KHDRBS2: variants seen among roughly 807,000 people sequenced by gnomAD.
The protein encoded by KHDRBS2 is KH RNA binding domain containing, signal transduction associated 2.
In KHDRBS2, 26 loss-of-function variants were observed where a neutral mutation model predicts 44.3. That is an observed-to-expected ratio of 0.59 (90% confidence interval 0.43 to 0.81). The LOEUF is 0.81. Among genes scored for constraint, KHDRBS2 ranks in the 40% least tolerant of loss-of-function variants. KHDRBS2 has a pLI of 0.00. For synonymous variants in KHDRBS2, 194 were observed against 151.1 expected (o/e 1.28, Z -2.08); for missense variants, 476 against 433.1 (o/e 1.10, Z -0.88).
intron 6 of KHDRBS2, among the ~76,000 whole-genome samples, chr6:61,735,188 T>C (rs1200906067): frequency 6.6e-6 from 1 of 152,126 alleles, no homozygotes; most frequent in Non-Finnish European, 1.5e-5. Context: ...GAACAAGATG[T>C]TAATGGAAAC....
the KHDRBS2 span, among the ~76,000 whole-genome samples, chr6:61,598,632 G>A: frequency 6.6e-6 from 1 of 152,220 alleles, no homozygotes; most frequent in South Asian, 2.1e-4. Context: ...TACATCCAAA[G>A]CAAGTAATTC....
the KHDRBS2 span, among the ~76,000 whole-genome samples, chr6:61,615,448 AT>A: frequency 2.3e-3 from 354 of 152,164 alleles, no homozygotes; most frequent in Non-Finnish European, 2.8e-3. Context: ...ATAGTTCAAA[AT>A]TTAACAATAC....
intron 5 of KHDRBS2, 140 bp downstream of exon 5, chr6:61,901,104 T>G: frequency 1.3e-6 from 1 of 778,842 alleles, no homozygotes; most frequent in Non-Finnish European, 2.0e-6. Flanking sequence ...CCTGATAAGC[T>G]TTCATCGTTA....
chr6:61,772,647 T>C (rs1405794544), intron 6 of KHDRBS2, among the ~76,000 whole-genome samples: 1 of 152,138 alleles, frequency 6.6e-6, no homozygotes, highest in East Asian at 1.9e-4. Flanking sequence ...TATTTTATTT[T>C]ATTTTATTAT....
intron 3 of KHDRBS2, among the ~76,000 whole-genome samples, chr6:62,000,843 G>T (rs539107664): frequency 6.6e-6 from 1 of 152,176 alleles, no homozygotes; most frequent in Non-Finnish European, 1.5e-5. Context: ...AATTGGAAAA[G>T]TATGGTCCTT....
At chr6:62,003,960 A>G (rs1285552996) in intron 3 of KHDRBS2, among the ~76,000 whole-genome samples, 1 of 152,238 alleles carries the variant, frequency 6.6e-6, no homozygotes, top group Non-Finnish European at 1.5e-5. Context: ...ACCAATGAGA[A>G]CAAAGACACA....
the KHDRBS2 span, among the ~76,000 whole-genome samples, chr6:61,560,314 C>T: frequency 6.6e-6 from 1 of 152,056 alleles, no homozygotes; most frequent in East Asian, 1.9e-4. Context: ...TGATTGGTGT[C>T]CAATCAACTT....
chr6:61,751,330 C>T (rs1322989466), intron 6 of KHDRBS2, among the ~76,000 whole-genome samples: 2 of 152,084 alleles, frequency 1.3e-5, no homozygotes, highest in African/African-American at 2.4e-5. Flanking sequence ...ATCTGAGTTC[C>T]AGGGGCTACT....
intron 7 of KHDRBS2, among the ~76,000 whole-genome samples, chr6:61,716,201 T>C (rs1186529813): frequency 6.6e-6 from 1 of 151,970 alleles, no homozygotes; most frequent in Non-Finnish European, 1.5e-5. Context: ...TGGAGAGGAC[T>C]GTATGGGTGT....
intron 8 of KHDRBS2, among the ~76,000 whole-genome samples, chr6:61,684,583 T>C (rs1766627305): frequency 6.6e-6 from 1 of 151,814 alleles, no homozygotes; most frequent in South Asian, 2.1e-4. Context: ...TAAAAACTCA[T>C]TGCATCCAGT....
chr6:62,175,584 T>C (rs1820929878), intron 2 of KHDRBS2, among the ~76,000 whole-genome samples: 2 of 151,602 alleles, frequency 1.3e-5, no homozygotes, highest in South Asian at 4.1e-4. Context: ...TATTCTGTGA[T>C]TTCCAAGATT....
the KHDRBS2 span, among the ~76,000 whole-genome samples, chr6:61,613,814 A>G: frequency 6.6e-6 from 1 of 152,168 alleles, no homozygotes; most frequent in Admixed American, 6.5e-5. Context: ...TCTTAGTATA[A>G]ATTCTTCCCT....
At chr6:62,062,550 G>A (rs1404874226) in intron 2 of KHDRBS2, among the ~76,000 whole-genome samples, 1 of 151,538 alleles carries the variant, frequency 6.6e-6, no homozygotes, top group Admixed American at 6.6e-5. Flanking sequence ...ACAAAATGAA[G>A]GCAGAAATAA....
intron 6 of KHDRBS2, among the ~76,000 whole-genome samples, chr6:61,866,056 C>T (rs1204456025): frequency 6.6e-6 from 1 of 152,192 alleles, no homozygotes; most frequent in South Asian, 2.1e-4. Context: ...CTATTCTGGG[C>T]TCTGGAGGAT....
the KHDRBS2 span, among the ~76,000 whole-genome samples, chr6:61,605,809 A>G: frequency 6.6e-6 from 1 of 152,184 alleles, no homozygotes; most frequent in Non-Finnish European, 1.5e-5. Flanking sequence ...TCTTATTAAT[A>G]TAAGAAGACA....
rs536897216 is a variant in KHDRBS2, at chr6:62,276,741, T to C, written c.91+9117A>G. The stretch of plus-strand genomic sequence containing the variant: ...TTCAGAAACATATTTTAGAAGTTAA[T>C]GGCAACAACAACATTGATCTTCTAG... On this transcript the variant is annotated intron_variant, in intron 1 of 8. Coordinates refer to ENST00000281156, the MANE Select transcript of KHDRBS2 (RefSeq NM_152688.4). Among the ~76,000 whole-genome samples, 107 of 152,344 alleles carry C rather than the reference T, an allele frequency of 7.0e-4. 3 individuals carry two copies. The South Asian group carries it at 0.021, about 30-fold the overall frequency.
intron 7 of KHDRBS2, among the ~76,000 whole-genome samples, chr6:61,728,848 A>C (rs1773994520): frequency 6.6e-6 from 1 of 152,126 alleles, no homozygotes; most frequent in African/African-American, 2.4e-5. Flanking sequence ...TTTTAAAAAA[A>C]CTTTTAAGTT....
chr6:61,598,825 C>CTTTTTTTTTTTTTTTTT, the KHDRBS2 span, among the ~76,000 whole-genome samples: 1 of 56,500 alleles, frequency 1.8e-5, no homozygotes, highest in African/African-American at 8.1e-5. Context: ...GTAGAGTGTC[C>CTTTTTTTTTTTTTTTTT]TTTTTTCTTT....
chr6:61,735,001 T>C (rs1259000756), intron 6 of KHDRBS2, among the ~76,000 whole-genome samples: 1 of 152,202 alleles, frequency 6.6e-6, no homozygotes, highest in Non-Finnish European at 1.5e-5. Flanking sequence ...TTGGCCAGAT[T>C]CCATCTTTTC....
Sources: allele counts gnomAD v4.1 joint callset (sites outside exome capture counted in the v4.1 genomes callset), GRCh38; gene constraint gnomAD v4.1.1; transcripts MANE v1.5; gene names NCBI Gene and HGNC (gene_info 2026-07-23, HGNC 2026-07-21).